The following ZFAT variants were observed in gnomAD, a reference collection of about 807,000 sequenced individuals.
ZFAT encodes the protein zinc finger protein ZFAT.
In ZFAT, 64 loss-of-function variants were observed where a neutral mutation model predicts 117.7. The ratio of observed to expected loss-of-function variants is 0.54; its 90% confidence interval spans 0.44 to 0.67. ZFAT has a LOEUF of 0.67. Among genes scored for constraint, ZFAT ranks in the 30% least tolerant of loss-of-function variants. The pLI is 0.00. For synonymous variants in ZFAT, 679 were observed against 615.0 expected (o/e 1.10, Z -1.54); for missense variants, 1,433 against 1,584.5 (o/e 0.90, Z 1.62).
chr8:134,799,914 G>A, the ZFAT span, among the ~76,000 whole-genome samples: 1 of 152,086 alleles, frequency 6.6e-6, no homozygotes, highest in South Asian at 2.1e-4. Flanking sequence ...AATATGACAG[G>A]TACTGTACTA....
intron 2 of ZFAT, among the ~76,000 whole-genome samples, chr8:134,648,300 A>G (rs961761909): frequency 3.0e-4 from 46 of 152,040 alleles, no homozygotes; most frequent in African/African-American, 1.1e-3. Context: ...TACAAGCAGA[A>G]GGACAGAAAT....
At chr8:134,609,393 T>C (rs142826381) in intron 4 of ZFAT, among the ~76,000 whole-genome samples, 2 of 152,242 alleles carry the variant, frequency 1.3e-5, no homozygotes, top group East Asian at 3.9e-4. Context: ...CAATTGAAAA[T>C]AGGAAATTCT....
At chr8:134,650,385 C>T (rs945926663) in intron 2 of ZFAT, among the ~76,000 whole-genome samples, 1 of 152,130 alleles carries the variant, frequency 6.6e-6, no homozygotes, top group African/African-American at 2.4e-5. Context: ...CTCAGCTTCC[C>T]AAAGTGCTGG....
chr8:134,670,069 G>A (rs1414414583), intron 1 of ZFAT, among the ~76,000 whole-genome samples: 2 of 152,158 alleles, frequency 1.3e-5, no homozygotes, highest in Non-Finnish European at 2.9e-5. Flanking sequence ...AAATATATAT[G>A]CACCCAATAC....
intron 12 of ZFAT, among the ~76,000 whole-genome samples, chr8:134,525,219 C>T (rs558569953): frequency 6.9e-4 from 105 of 152,196 alleles, no homozygotes; most frequent in Non-Finnish European, 1.0e-3. Flanking sequence ...AATCCCTGTA[C>T]AGCCTTCTCA....
chr8:134,724,578 T>C, the ZFAT span, among the ~76,000 whole-genome samples: 1 of 151,990 alleles, frequency 6.6e-6, no homozygotes, highest in Admixed American at 6.5e-5. Flanking sequence ...CCATAACTCA[T>C]GTATATGGGT....
intron 11 of ZFAT, among the ~76,000 whole-genome samples, chr8:134,553,310 C>T (rs1391504964): frequency 6.6e-6 from 1 of 152,184 alleles, no homozygotes; most frequent in African/African-American, 2.4e-5. Flanking sequence ...CACGACCAGC[C>T]TGGCCAAGAT....
At chr8:134,508,387 T>G (rs1022268612) in intron 15 of ZFAT, among the ~76,000 whole-genome samples, 3 of 152,206 alleles carry the variant, frequency 2.0e-5, no homozygotes, top group Non-Finnish European at 4.4e-5. Flanking sequence ...AAATATCTTA[T>G]TTGTTAGTGC....
At chr8:134,768,460 A>T in the ZFAT span, among the ~76,000 whole-genome samples, 7 of 152,168 alleles carry the variant, frequency 4.6e-5, no homozygotes, top group African/African-American at 1.4e-4. Flanking sequence ...AACATATCTA[A>T]GACTAGCCAA....
intron 9 of ZFAT, 126 bp downstream of exon 9, chr8:134,588,120 T>G: frequency 8.6e-7 from 1 of 1,156,598 alleles, no homozygotes; most frequent in Non-Finnish European, 1.2e-6. Context: ...GACACATCTC[T>G]CAGTGTGCTA....
chr8:134,813,696 G>T, the ZFAT span, among the ~76,000 whole-genome samples: 2 of 152,086 alleles, frequency 1.3e-5, no homozygotes, highest in Non-Finnish European at 2.9e-5. Context: ...GGGATTAGAG[G>T]CGTGAGCCAC....
intron 10 of ZFAT, among the ~76,000 whole-genome samples, chr8:134,567,471 CCA>C (rs1824552164): frequency 6.6e-6 from 1 of 151,914 alleles, no homozygotes; most frequent in African/African-American, 2.4e-5. Context: ...ATCCATCCAT[CCA>C]TCCATCCATC....
chr8:134,679,258 C>T (rs1272862725), intron 1 of ZFAT, among the ~76,000 whole-genome samples: 2 of 152,098 alleles, frequency 1.3e-5, no homozygotes, highest in African/African-American at 4.8e-5. Context: ...AACAAACAAC[C>T]CCATCAGAAA....
rs1435641681 is a variant in ZFAT, at chr8:134,590,685, CCACCAA to C, written c.2476-336_2476-331del. 1.8e-3 allele frequency among the ~76,000 whole-genome samples: 249 copies of C among 137,508 alleles called. 3 individuals are homozygous for C. Among genetic ancestry groups the C allele is most frequent in the African/African-American group, 6.2e-3 (234 of 37,602 alleles). The allele number at this position is 137,508 out of a possible 152,430, so 90.2% of individuals were successfully genotyped here. A position where few individuals can be genotyped will look rare whatever the true frequency, so the allele number is the denominator to read the frequency against. ...AACACCACCACAACCAACACCACCA[CCACCAA>C]CAACAACACCACGACCACCATCACC... On this transcript the variant is annotated intron_variant, in intron 7 of 15. Coordinates refer to ENST00000377838, the MANE Select transcript of ZFAT (RefSeq NM_020863.4).
chr8:134,603,353 G>A (rs536901065), intron 5 of ZFAT, among the ~76,000 whole-genome samples: 167 of 152,250 alleles, frequency 1.1e-3, no homozygotes, highest in African/African-American at 3.7e-3. Flanking sequence ...TCCACAACTC[G>A]CACAATAATA....
chr8:134,574,031 C>A (rs1479854147), intron 10 of ZFAT, among the ~76,000 whole-genome samples: 1 of 152,234 alleles, frequency 6.6e-6, no homozygotes, highest in Admixed American at 6.5e-5. Flanking sequence ...AAAGAAGAAA[C>A]AGGAATACTT....
chr8:134,703,217 T>C (rs1834061680), intron 1 of ZFAT, among the ~76,000 whole-genome samples: 1 of 152,256 alleles, frequency 6.6e-6, no homozygotes, highest in African/African-American at 2.4e-5. Flanking sequence ...TAGTGTCTCA[T>C]TGTGATTTTA....
intron 10 of ZFAT, among the ~76,000 whole-genome samples, chr8:134,573,092 G>A (rs539135206): frequency 4.6e-5 from 7 of 152,314 alleles, no homozygotes; most frequent in Non-Finnish European, 7.4e-5. Flanking sequence ...CCTCTGGGGA[G>A]GAGAGACAGG....
intron 11 of ZFAT, among the ~76,000 whole-genome samples, chr8:134,557,503 T>C (rs1823734021): frequency 6.6e-6 from 1 of 152,238 alleles, no homozygotes; most frequent in African/African-American, 2.4e-5. Context: ...GTAACAAATG[T>C]TCCGTATTGA....
Sources: allele counts gnomAD v4.1 joint callset (sites outside exome capture counted in the v4.1 genomes callset), GRCh38; gene constraint gnomAD v4.1.1; transcripts MANE v1.5; gene names NCBI Gene and HGNC (gene_info 2026-07-23, HGNC 2026-07-21).